The following SKAP2 variants were observed in gnomAD, a reference collection of about 807,000 sequenced individuals.
The protein encoded by SKAP2 is src kinase-associated phosphoprotein 2.
Under a neutral mutation model 54.9 loss-of-function variants are expected in SKAP2, and 28 were observed. That is an observed-to-expected ratio of 0.51 (90% CI 0.38 to 0.70). The LOEUF is 0.70. Among genes scored for constraint, SKAP2 ranks in the 30% least tolerant of loss-of-function variants. SKAP2 has a pLI of 0.00. For synonymous variants in SKAP2, 137 were observed against 134.3 expected, an observed-to-expected ratio of 1.02 and a Z score of -0.14; for missense variants, 356 against 424.1, an observed-to-expected ratio of 0.84 and a Z score of 1.41.
At chr7:26,816,876 C>G (rs920972260) in intron 4 of SKAP2, among the ~76,000 whole-genome samples, 1 of 152,100 alleles carries the variant, frequency 6.6e-6, no homozygotes, top group Non-Finnish European at 1.5e-5. Context: ...GACACATTTT[C>G]TAACATGTTA....
intron 4 of SKAP2, among the ~76,000 whole-genome samples, chr7:26,827,679 C>T (rs1483606253): frequency 6.6e-6 from 1 of 152,194 alleles, no homozygotes; most frequent in Non-Finnish European, 1.5e-5. Flanking sequence ...CAAGACATCA[C>T]AAACCCCACT....
Position 26,785,236 on chromosome 7 carries a change from G to A in SKAP2, c.308-45272C>T, listed in dbSNP as rs187333390. Among the ~76,000 whole-genome samples the A allele has an allele frequency of 3.1e-3, 468 of 152,152 alleles. 1 individual carries two copies. The highest frequency in any genetic ancestry group is 5.0e-3 in the Admixed American group (76 of 15,264). On this transcript the variant is annotated intron_variant, in intron 4 of 12. Transcript: ENST00000345317. ...AAGACTCACTCTGTTGTCCAGGCTGGAGTGCAGTGGCGCGATCTCGGCTCA... is the reference window on the plus strand; with the variant it reads ...AAGACTCACTCTGTTGTCCAGGCTGAAGTGCAGTGGCGCGATCTCGGCTCA...
Position 26,690,009 on chromosome 7 carries a change from A to G in SKAP2, c.874+276T>C, listed in dbSNP as rs114690711. 6.4e-3 allele frequency among the ~76,000 whole-genome samples: 978 copies of G among 152,332 alleles called. 8 individuals are homozygous for G. The highest frequency in any genetic ancestry group is 0.022 in the African/African-American group (935 of 41,568). Reference sequence around the variant, plus strand: ...TGATGATAAGCTAATTTATGCAACTAAATCTCCTTTGTGCAGAAATGAAAG... The same window carrying G: ...TGATGATAAGCTAATTTATGCAACTGAATCTCCTTTGTGCAGAAATGAAAG... On this transcript the variant is annotated intron_variant, in intron 10 of 12. Transcript: ENST00000345317.
At chr7:26,768,744 G>T (rs1783119414) in intron 4 of SKAP2, among the ~76,000 whole-genome samples, 1 of 152,110 alleles carries the variant, frequency 6.6e-6, no homozygotes, top group East Asian at 1.9e-4. Context: ...TGAAATTCTG[G>T]GTTGAAAATT....
intron 11 of SKAP2, among the ~76,000 whole-genome samples, chr7:26,670,560 G>C (rs1218274684): frequency 6.6e-6 from 1 of 151,976 alleles, no homozygotes; most frequent in African/African-American, 2.4e-5. Context: ...GGATCCTTAA[G>C]CTATTATATT....
At chr7:26,791,827 T>C (rs115177227) in intron 4 of SKAP2, among the ~76,000 whole-genome samples, 1 of 152,162 alleles carries the variant, frequency 6.6e-6, no homozygotes, top group African/African-American at 2.4e-5. Context: ...AAAACATGTA[T>C]CATAGGATAC....
intron 4 of SKAP2, among the ~76,000 whole-genome samples, chr7:26,750,170 C>A (rs1782649911): frequency 6.6e-6 from 1 of 152,076 alleles, no homozygotes; most frequent in African/African-American, 2.4e-5. Flanking sequence ...CCGTGTCAGA[C>A]AACATCACTG....
In SKAP2 at chr7:26,670,153, C is replaced by G. The variant is rs1786196877; in HGVS notation, c.1027G>C (p.Gly343Arg). 1 of 1,584,650 alleles carries G rather than the reference C, an allele frequency of 6.3e-7. No homozygotes were observed. ...GCTTTAGGCACCAAGCCAATGGCTC[C>G]CTTCATTTCTCCTACCCACCAGCCA... ...RYGWWVGEMKGAIGLVPKAYI... is the reference protein window; with the variant it reads ...RYGWWVGEMKRAIGLVPKAYI... Residue 343 changes from glycine to arginine, a missense_variant, in exon 12 of 13, where the codon GGA becomes CGA. Physicochemically the swap from Gly to Arg is moderately radical, Grantham distance 125. Coordinates refer to ENST00000345317, the MANE Select transcript of SKAP2 (RefSeq NM_003930.5).
At chr7:26,861,618 T>A (rs1258881830) in intron 1 of SKAP2, among the ~76,000 whole-genome samples, 1 of 89,452 alleles carries the variant, frequency 1.1e-5, no homozygotes. Context: ...ACAACCTCTT[T>A]TTTTTTTTTT....
chr7:26,717,433 C>A (rs1787470747), intron 9 of SKAP2, among the ~76,000 whole-genome samples: 1 of 139,992 alleles, frequency 7.1e-6, no homozygotes, highest in Non-Finnish European at 1.5e-5. Context: ...CAGCTTGAAC[C>A]CAGGAGGTGG....
At chr7:26,713,253 C>G (rs1208230713) in intron 9 of SKAP2, among the ~76,000 whole-genome samples, 1 of 152,188 alleles carries the variant, frequency 6.6e-6, no homozygotes, top group South Asian at 2.1e-4. Flanking sequence ...TCTTCTTTAA[C>G]CATAGAATAC....
intron 4 of SKAP2, among the ~76,000 whole-genome samples, chr7:26,820,252 T>A (rs1237581916): frequency 6.6e-6 from 1 of 152,214 alleles, no homozygotes; most frequent in Non-Finnish European, 1.5e-5. Context: ...TCACAAAACA[T>A]AATCCTTCCA....
chr7:26,771,235 G>C (rs553428846), intron 4 of SKAP2, among the ~76,000 whole-genome samples: 1 of 152,192 alleles, frequency 6.6e-6, no homozygotes, highest in Non-Finnish European at 1.5e-5. Flanking sequence ...ATGATAATCA[G>C]TCTAGGACTC....
chr7:26,860,198 T>C (rs187032655), intron 1 of SKAP2, among the ~76,000 whole-genome samples: 1 of 152,210 alleles, frequency 6.6e-6, no homozygotes, highest in African/African-American at 2.4e-5. Context: ...AAGAGCCTTA[T>C]ATAGTAATGA....
intron 3 of SKAP2, among the ~76,000 whole-genome samples, chr7:26,852,462 ACT>A (rs1232586505): frequency 6.6e-6 from 1 of 152,030 alleles, no homozygotes. Context: ...CTGAACAGGC[ACT>A]CTTTGTGATT....
intron 11 of SKAP2, among the ~76,000 whole-genome samples, chr7:26,675,288 C>T (rs986402886): frequency 2.0e-5 from 3 of 152,192 alleles, no homozygotes; most frequent in African/African-American, 7.2e-5. Flanking sequence ...CCGCACTACA[C>T]TCATTCTACC....
downstream of SKAP2, among the ~76,000 whole-genome samples, chr7:26,666,071 A>G (rs1037396286): frequency 2.6e-5 from 4 of 151,788 alleles, no homozygotes; most frequent in Non-Finnish European, 4.4e-5. Context: ...TCATGTTTTG[A>G]TCTCCACTCT....
intron 5 of SKAP2, 83 bp downstream of exon 5, chr7:26,739,792 CCTAAAACGAATA>C: frequency 1.2e-6 from 1 of 840,066 alleles, no homozygotes; most frequent in East Asian, 2.7e-5. Context: ...TCTTTAATCA[CCTAAAACGAATA>C]CTGCCTCCAC....
At chr7:26,713,601 G>T (rs1787356526) in intron 9 of SKAP2, among the ~76,000 whole-genome samples, 4 of 145,988 alleles carry the variant, frequency 2.7e-5, no homozygotes, top group Admixed American at 2.0e-4. Context: ...GTTCTTTTTT[G>T]TTTTTTTTTT....
Sources: allele counts gnomAD v4.1 joint callset (sites outside exome capture counted in the v4.1 genomes callset), GRCh38; gene constraint gnomAD v4.1.1; transcripts MANE v1.5; gene names NCBI Gene and HGNC (gene_info 2026-07-23, HGNC 2026-07-21).